Variants in SOBP observed in about 807,000 individuals in gnomAD.
SOBP encodes the protein sine oculis binding protein homolog.
In SOBP, 4 loss-of-function variants were observed where a neutral mutation model predicts 53.6. That is an observed-to-expected ratio of 0.07 (90% confidence interval 0.04 to 0.17). The LOEUF (loss-of-function observed/expected upper bound fraction) is 0.17, where lower values mean the gene tolerates loss of function less well. Among genes scored for constraint, SOBP ranks in the 10% least tolerant of loss-of-function variants. The pLI is 1.00. For missense variants in SOBP, 1,088 were observed against 1,204.7 expected, an observed-to-expected ratio of 0.90 and a Z score of 1.43; for synonymous variants, 584 against 522.6, an observed-to-expected ratio of 1.12 and a Z score of -1.60.
At chr6:107,649,421 G>C (rs753411519) in intron 6 of SOBP, among the ~76,000 whole-genome samples, 2 of 151,814 alleles carry the variant, frequency 1.3e-5, no homozygotes, top group African/African-American at 2.4e-5. Flanking sequence ...AGGCTGCAGT[G>C]AGCCATGATG....
chr6:107,619,081 G>A (rs544286381), intron 5 of SOBP, among the ~76,000 whole-genome samples: 22 of 152,290 alleles, frequency 1.4e-4, no homozygotes, highest in African/African-American at 5.3e-4. Context: ...AGGGGCCCAT[G>A]TGTAGGAATC....
At chr6:107,547,238 C>T (rs2115005677) in intron 4 of SOBP, among the ~76,000 whole-genome samples, 1 of 152,308 alleles carries the variant, frequency 6.6e-6, no homozygotes, top group Admixed American at 6.5e-5. Flanking sequence ...ACGTTTTAAT[C>T]CTCACGTCCC....
intron 4 of SOBP, among the ~76,000 whole-genome samples, chr6:107,570,226 T>C (rs1035600956): frequency 6.6e-6 from 1 of 152,256 alleles, no homozygotes; most frequent in Admixed American, 6.5e-5. Flanking sequence ...TGGTCTGGTC[T>C]TTGTGGGTAA....
chr6:107,633,860 A>G lies in SOBP; in HGVS notation c.1016A>G (p.Asn339Ser). 6.2e-7 allele frequency: 1 copy of G among 1,614,124 alleles called. No homozygotes were observed. The highest frequency in any genetic ancestry group is 1.6e-4 in the Middle Eastern group (1 of 6,062). The change falls in exon 6 of 7, where the codon AAC (asparagine) becomes AGC (serine). Residue 339 changes from asparagine to serine, a missense_variant. Transcript: ENST00000317357. Reference protein sequence around the residue: ...STTVSPSDTANCSVTKIPTPV... With the variant: ...STTVSPSDTASCSVTKIPTPV... ...ACCGTCTCTCCATCTGACACTGCCA[A>G]CTGCTCTGTCACTAAAATCCCCACG...
At chr6:107,615,550 C>G (rs1562102046) in intron 5 of SOBP, among the ~76,000 whole-genome samples, 2 of 152,282 alleles carry the variant, frequency 1.3e-5, no homozygotes, top group East Asian at 3.9e-4. Flanking sequence ...AGTGGGCAGT[C>G]CCCTTCTGAA....
At chr6:107,639,328 T>C (rs1357150859) in intron 6 of SOBP, among the ~76,000 whole-genome samples, 1 of 152,182 alleles carries the variant, frequency 6.6e-6, no homozygotes, top group Non-Finnish European at 1.5e-5. Flanking sequence ...TTGTAAATTA[T>C]AGGGTTTTTT....
intron 6 of SOBP, among the ~76,000 whole-genome samples, chr6:107,643,036 T>C (rs530087262): frequency 5.3e-5 from 8 of 152,362 alleles, no homozygotes; most frequent in Admixed American, 2.0e-4. Flanking sequence ...TGTTACTGTC[T>C]TAAATTTGAA....
chr6:107,606,511 G>A (rs1387091929), intron 5 of SOBP, among the ~76,000 whole-genome samples: 2 of 152,168 alleles, frequency 1.3e-5, no homozygotes, highest in East Asian at 1.9e-4. Flanking sequence ...AGGAAGTTCA[G>A]CCCCCTTCTT....
chr6:107,502,505 C>T (rs1231550876), intron 1 of SOBP, among the ~76,000 whole-genome samples: 3 of 152,130 alleles, frequency 2.0e-5, no homozygotes, highest in Non-Finnish European at 4.4e-5. Flanking sequence ...GATATTAAAT[C>T]TGTCCAATTA....
intron 5 of SOBP, among the ~76,000 whole-genome samples, chr6:107,624,700 A>ATCAC (rs1405266332): frequency 6.6e-6 from 1 of 152,224 alleles, no homozygotes; most frequent in Non-Finnish European, 1.5e-5. Flanking sequence ...TATGGTATGA[A>ATCAC]TCACTCTTTT....
At chr6:107,556,756 G>A (rs759590423) in intron 4 of SOBP, among the ~76,000 whole-genome samples, 12 of 152,164 alleles carry the variant, frequency 7.9e-5, no homozygotes, top group Non-Finnish European at 1.0e-4. Context: ...TCTTTCAGCC[G>A]CTGTAGACAT....
chr6:107,616,746 G>A (rs1223879070), intron 5 of SOBP, among the ~76,000 whole-genome samples: 1 of 152,236 alleles, frequency 6.6e-6, no homozygotes, highest in Non-Finnish European at 1.5e-5. Context: ...TACTTTGACT[G>A]CAGAAACAGT....
chr6:107,568,836 G>T (rs1391766008), intron 4 of SOBP, among the ~76,000 whole-genome samples: 1 of 152,178 alleles, frequency 6.6e-6, no homozygotes, highest in Admixed American at 6.5e-5. Context: ...ACTCTCAGCA[G>T]GCTGAAACAG....
chr6:107,644,562 T>C (rs140628681), intron 6 of SOBP, among the ~76,000 whole-genome samples: 253 of 152,348 alleles, frequency 1.7e-3, no homozygotes, highest in Non-Finnish European at 3.1e-3. Flanking sequence ...CAGAATCCAT[T>C]TAAGCTTTGG....
chr6:107,626,514 G>T (rs910301415), intron 5 of SOBP, among the ~76,000 whole-genome samples: 1 of 152,188 alleles, frequency 6.6e-6, no homozygotes, highest in African/African-American at 2.4e-5. Context: ...TGTGCCTCCA[G>T]TTTCCTGGGG....
intron 3 of SOBP, among the ~76,000 whole-genome samples, chr6:107,527,887 T>C (rs879602579): frequency 3.3e-5 from 5 of 152,240 alleles, no homozygotes; most frequent in African/African-American, 4.8e-5. Context: ...CATTGTCTGC[T>C]GTGTTTCATA....
chr6:107,542,504 G>A (rs905676084), intron 4 of SOBP, among the ~76,000 whole-genome samples: 8 of 152,148 alleles, frequency 5.3e-5, no homozygotes, highest in African/African-American at 1.7e-4. Context: ...TGAGCAGGAT[G>A]GGTGATATGA....
chr6:107,503,764 G>A lies in SOBP; in HGVS notation c.204G>A (p.Gly68=). Reference sequence around the variant, plus strand: ...AATTCAGGAGCTACCCTACAGATGGGGAGAGCCGGCAGCACATTTCTGTTC... The same window carrying A: ...AATTCAGGAGCTACCCTACAGATGGAGAGAGCCGGCAGCACATTTCTGTTC... ...DIEFRSYPTD[G]ESRQHISVLK... is the part of the protein sequence containing the mutation. The change falls in exon 2 of 7, where the codon GGG becomes GGA. Residue 68 remains glycine (G), a synonymous_variant. Transcript: ENST00000317357. 6.2e-7 allele frequency: 1 copy of A among 1,614,124 alleles called. No individual in the cohort carries two copies. The highest frequency in any genetic ancestry group is 1.6e-4 in the Middle Eastern group (1 of 6,062).
At chr6:107,641,353 A>G (rs529615663) in intron 6 of SOBP, among the ~76,000 whole-genome samples, 6 of 152,158 alleles carry the variant, frequency 3.9e-5, no homozygotes, top group Non-Finnish European at 7.3e-5. Context: ...GTGATGAAAG[A>G]AGAAAAGAGA....
Sources: allele counts gnomAD v4.1 joint callset (sites outside exome capture counted in the v4.1 genomes callset), GRCh38; gene constraint gnomAD v4.1.1; transcripts MANE v1.5; gene names NCBI Gene and HGNC (gene_info 2026-07-23, HGNC 2026-07-21).